LIX1: variants seen among roughly 807,000 people sequenced by gnomAD.
LIX1 encodes limb and CNS expressed 1, also known as protein limb expression 1 homolog.
Under a neutral mutation model 33.4 loss-of-function variants are expected in LIX1, and 24 were observed. That is an observed-to-expected ratio of 0.72 (90% CI 0.52 to 1.01). The LOEUF is 1.01. Among genes scored for constraint, LIX1 ranks in the 50% least tolerant of loss-of-function variants. The pLI is 0.00. For missense variants in LIX1, 311 were observed against 339.2 expected (o/e 0.92, Z 0.65); for synonymous variants, 124 against 124.0 (o/e 1.00, Z 0.00).
At chr5:97,117,249 T>C (rs554180668) in intron 2 of LIX1, among the ~76,000 whole-genome samples, 1 of 152,294 alleles carries the variant, frequency 6.6e-6, no homozygotes, top group African/African-American at 2.4e-5. Context: ...TTAAGTTACA[T>C]TGCATAGCAT....
chr5:97,129,870 G>A (rs1200255105), intron 1 of LIX1, among the ~76,000 whole-genome samples: 5 of 152,192 alleles, frequency 3.3e-5, no homozygotes, highest in Non-Finnish European at 7.3e-5. Flanking sequence ...AGGCATGAGA[G>A]CCTTCCCCAA....
chr5:97,107,593 T>C (rs2112766921), intron 2 of LIX1, 93 bp from the exon 3 acceptor site: 9 of 1,330,328 alleles, frequency 6.8e-6, no homozygotes, highest in Non-Finnish European at 9.6e-6. Flanking sequence ...TTTCTATTTA[T>C]ACATTTACTG....
At chr5:97,116,789 G>T (rs2112780541) in intron 2 of LIX1, among the ~76,000 whole-genome samples, 1 of 152,016 alleles carries the variant, frequency 6.6e-6, no homozygotes, top group African/African-American at 2.4e-5. Context: ...GATGTGAAAG[G>T]AGTTGGGATG....
intron 4 of LIX1, chr5:97,102,983 G>C: frequency 6.9e-6 from 3 of 434,450 alleles, no homozygotes; most frequent in South Asian, 5.0e-5. Flanking sequence ...CTTAAATCCC[G>C]CAAAAATTCT....
In LIX1 at chr5:97,094,307, A is replaced by G. The variant is rs940047360; in HGVS notation, c.*441T>C. The G allele has an allele frequency of 6.2e-6, 1 of 160,210 alleles. No individual in the cohort carries two copies. The highest frequency in any genetic ancestry group is 2.4e-5 in the African/African-American group (1 of 41,464). The allele number at this position is 160,210 out of a possible 1,614,324, so 9.9% of individuals were successfully genotyped here. A position where few individuals can be genotyped will look rare whatever the true frequency, so the allele number is the denominator to read the frequency against. On this transcript the variant is annotated 3_prime_UTR_variant, in exon 6 of 6. Transcript: ENST00000274382. The stretch of plus-strand genomic sequence containing the variant: ...CTCTGATCCTTGGATATTTTTTAAA[A>G]CAATCCATATTATTTATTTAATCCT...
intron 1 of LIX1, among the ~76,000 whole-genome samples, chr5:97,125,008 G>A (rs1171172625): frequency 6.6e-6 from 1 of 151,992 alleles, no homozygotes; most frequent in Non-Finnish European, 1.5e-5. Context: ...TGTCTTAATA[G>A]ACTTTATCCA....
intron 1 of LIX1, among the ~76,000 whole-genome samples, chr5:97,141,187 A>G (rs1748278955): frequency 6.6e-6 from 1 of 152,096 alleles, no homozygotes; most frequent in Non-Finnish European, 1.5e-5. Context: ...GGTCCTATAC[A>G]ATTTATCCAA....
intron 1 of LIX1, among the ~76,000 whole-genome samples, chr5:97,141,272 C>T (rs1039963806): frequency 6.6e-6 from 1 of 152,234 alleles, no homozygotes; most frequent in African/African-American, 2.4e-5. Flanking sequence ...ACATTCTTTC[C>T]TCCCCTTTTC....
chr5:97,096,052 C>G (rs1746360292), intron 5 of LIX1, among the ~76,000 whole-genome samples: 1 of 152,228 alleles, frequency 6.6e-6, no homozygotes, highest in East Asian at 1.9e-4. Context: ...CCACCCTTAC[C>G]TTGCTGACTC....
At position 97,093,611 on chromosome 5, in the gene LIX1, G is replaced by A. The variant is rs929567927; in HGVS notation, c.*1137C>T. ...AGCCTGGGCAACATGATGAAATCCC[G>A]TCTCTACTAAAAAAAAAAAAAAAAA... On this transcript the variant is annotated 3_prime_UTR_variant, in exon 6 of 6. Coordinates refer to ENST00000274382, the MANE Select transcript of LIX1 (RefSeq NM_153234.5). The A allele has an allele frequency of 8.5e-5, 10 of 117,296 alleles. No individual in the cohort carries two copies. The highest frequency in any genetic ancestry group is 2.9e-4 in the Admixed American group (3 of 10,256). 7.3% of individuals were successfully genotyped at this position (117,296 alleles called of 1,614,324 possible). A position where few individuals can be genotyped will look rare whatever the true frequency, so the allele number is the denominator to read the frequency against.
chr5:97,100,136 C>A (rs1746616247), intron 4 of LIX1, among the ~76,000 whole-genome samples: 1 of 152,204 alleles, frequency 6.6e-6, no homozygotes, highest in African/African-American at 2.4e-5. Flanking sequence ...CCATAAGGGA[C>A]TATCATTCCA....
At chr5:97,113,499 T>C (rs1209204496) in intron 2 of LIX1, among the ~76,000 whole-genome samples, 1 of 152,242 alleles carries the variant, frequency 6.6e-6, no homozygotes, top group Non-Finnish European at 1.5e-5. Flanking sequence ...TTATGTTTAT[T>C]ATCACATTTT....
At chr5:97,120,109 T>G (rs1208932918) in intron 2 of LIX1, among the ~76,000 whole-genome samples, 1 of 152,136 alleles carries the variant, frequency 6.6e-6, no homozygotes, top group East Asian at 1.9e-4. Flanking sequence ...ACTTTTAAAT[T>G]CATCCATTTT....
rs1244534057 is a variant in LIX1 at position 97,094,031 on chromosome 5, GAT to G, written c.*715_*716del. 6.6e-6 allele frequency: 1 copy of G among 152,282 alleles called. No homozygotes were observed. The highest frequency in any genetic ancestry group is 2.4e-5 in the African/African-American group (1 of 41,424). 9.4% of individuals were successfully genotyped at this position (152,282 alleles called of 1,614,324 possible). A position where few individuals can be genotyped will look rare whatever the true frequency, so the allele number is the denominator to read the frequency against. On this transcript the variant is annotated 3_prime_UTR_variant, in exon 6 of 6. Transcript: ENST00000274382. ...TTGATTGCAAGACTCATAAACATTG[GAT>G]ATTAATTCTTGAGGAATAAGAGTGA...
At chr5:97,108,648 A>G (rs1218256382) in intron 2 of LIX1, among the ~76,000 whole-genome samples, 2 of 151,966 alleles carry the variant, frequency 1.3e-5, no homozygotes, top group African/African-American at 4.8e-5. Context: ...AGTGTCTAGG[A>G]TCTTGGACTC....
chr5:97,141,494 A>G lies in LIX1; in HGVS notation c.82+1001T>C, dbSNP rs1413506063. Among the ~76,000 whole-genome samples the G allele has an allele frequency of 3.3e-5, 5 of 152,228 alleles. 1 individual carries two copies. The highest frequency in any genetic ancestry group is 7.3e-5 in the Non-Finnish European group (5 of 68,036). On this transcript the variant is annotated intron_variant, in intron 1 of 5. Transcript: ENST00000274382. ...AAAAATTTATAGAATTAAATGGCCT[A>G]ACATTCCTCTTTCTTCAACATACAT...
At chr5:97,095,944 C>T (rs191925659) in intron 5 of LIX1, among the ~76,000 whole-genome samples, 1 of 152,290 alleles carries the variant, frequency 6.6e-6, no homozygotes, top group East Asian at 1.9e-4. Context: ...TTGTCAGCTA[C>T]TCATTTCTTT....
rs559184373 is a variant in LIX1, at chr5:97,093,123, T to C, written c.*1625A>G. 4 of 152,308 alleles carry C rather than the reference T, an allele frequency of 2.6e-5. No individual in the cohort carries two copies. Among genetic ancestry groups the C allele is most frequent in the African/African-American group, 9.7e-5 (4 of 41,446 alleles). 9.4% of individuals were successfully genotyped at this position (152,308 alleles called of 1,614,324 possible). ...AATTGTTCCCCTGGTGTGAGATATG[T>C]GATACATGATAATCTTTTATTATCA... is the stretch of plus-strand genomic sequence containing the variant. On this transcript the variant is annotated 3_prime_UTR_variant, in exon 6 of 6. Transcript: ENST00000274382.
intron 1 of LIX1, among the ~76,000 whole-genome samples, chr5:97,128,353 C>A (rs1011331068): frequency 6.6e-6 from 1 of 152,146 alleles, no homozygotes. Context: ...CCTCCTCAGT[C>A]TGCATCTCTT....
Sources: allele counts gnomAD v4.1 joint callset (sites outside exome capture counted in the v4.1 genomes callset), GRCh38; gene constraint gnomAD v4.1.1; transcripts MANE v1.5; gene names NCBI Gene and HGNC (gene_info 2026-07-23, HGNC 2026-07-21).